KCNT1: variants seen among roughly 807,000 people sequenced by gnomAD.
KCNT1 encodes potassium channel subfamily T member 1.
Under a neutral mutation model 147.8 loss-of-function variants are expected in KCNT1, and 78 were observed. The ratio of observed to expected loss-of-function variants is 0.53; its 90% CI spans 0.44 to 0.64. The LOEUF (loss-of-function observed/expected upper bound fraction) is 0.64, where lower values mean the gene tolerates loss of function less well. KCNT1 is among the 30% of genes least tolerant of loss of function. The pLI is 0.00. For missense variants in KCNT1, 1,419 were observed against 1,750.3 expected, an observed-to-expected ratio of 0.81 and a Z score of 3.38; for synonymous variants, 867 against 748.8, an observed-to-expected ratio of 1.16 and a Z score of -2.58.
chr9:135,764,689 G>A (rs911398200), intron 11 of KCNT1, among the ~76,000 whole-genome samples: 3 of 152,130 alleles, frequency 2.0e-5, no homozygotes, highest in Non-Finnish European at 4.4e-5. Flanking sequence ...GAAGACCGGG[G>A]TCTGAGGCCT....
chr9:135,777,530 G>GGCCCC lies in KCNT1; in HGVS notation c.2522+20_2522+21insGCCCC. On this transcript the variant is annotated intron_variant, in intron 21 of 30. Transcript: ENST00000371757. ...CAACAAGTGAGGCTCCTGGGGCTCA[G>GGCCCC]CCCACCCCGCCCACCCGGGCCCTCA... 1.9e-6 allele frequency: 3 copies of GGCCCC among 1,588,450 alleles called. No homozygotes were observed. The highest frequency in any genetic ancestry group is 8.6e-7 in the Non-Finnish European group (1 of 1,166,998).
rs1188684182 is a variant in KCNT1 at position 135,792,867 on chromosome 9, C to G, written c.*706C>G. 1 of 152,230 alleles carries G rather than the reference C, an allele frequency of 6.6e-6. No individual in the cohort carries two copies. Among genetic ancestry groups the G allele is most frequent in the Non-Finnish European group, 1.5e-5 (1 of 68,048 alleles). The allele number at this position is 152,230 out of a possible 1,614,324, so 9.4% of individuals were successfully genotyped here. On this transcript the variant is annotated 3_prime_UTR_variant, in exon 31 of 31. Coordinates refer to ENST00000371757, the MANE Select transcript of KCNT1 (RefSeq NM_020822.3). Reference sequence around the variant, plus strand: ...CACTGAACTGTCCCAGCCACTGCATCTAGGGGGCATTGGGCGGAAGATGGT... The same window carrying G: ...CACTGAACTGTCCCAGCCACTGCATGTAGGGGGCATTGGGCGGAAGATGGT...
At chr9:135,791,653 C>G (rs1318474663) in intron 29 of KCNT1, 144 bp from the exon 30 acceptor site, 9 of 715,796 alleles carry the variant, frequency 1.3e-5, no homozygotes, top group Non-Finnish European at 2.2e-5. Context: ...TGGCTGGGCT[C>G]ACCAGGATGA....
At chr9:135,745,903 C>T (rs1830809208) in intron 2 of KCNT1, among the ~76,000 whole-genome samples, 1 of 152,230 alleles carries the variant, frequency 6.6e-6, no homozygotes, top group Non-Finnish European at 1.5e-5. Context: ...CCATGAACCT[C>T]TGCCGCAGCA....
chr9:135,792,046 T>C lies in KCNT1; in HGVS notation c.3593T>C (p.Leu1198Pro). ...TRLEPSDIVYLIRSDPLAHVA... is the reference protein window; with the variant it reads ...TRLEPSDIVYPIRSDPLAHVA... ...TCCTCTGTGCCCTCCCGCAGCTATC[T>C]CATCCGCTCCGACCCCCTGGCTCAC... The change falls in exon 31 of 31, where the codon CTC becomes CCC. Residue 1198 changes from leucine to proline, a missense_variant. Transcript: ENST00000371757. 1.2e-6 allele frequency: 2 copies of C among 1,604,008 alleles called. No homozygotes were observed. Among genetic ancestry groups the C allele is most frequent in the African/African-American group, 1.3e-5 (1 of 74,964 alleles).
intron 2 of KCNT1, among the ~76,000 whole-genome samples, chr9:135,744,387 G>GC (rs1209563952): frequency 6.6e-6 from 1 of 152,246 alleles, no homozygotes; most frequent in Non-Finnish European, 1.5e-5. Flanking sequence ...CTCAGGCAGA[G>GC]CAGTGGCGTG....
chr9:135,709,712 G>A (rs575944998), intron 1 of KCNT1, among the ~76,000 whole-genome samples: 4 of 152,044 alleles, frequency 2.6e-5, no homozygotes, highest in Admixed American at 2.0e-4. Context: ...ATGGAGTCTC[G>A]CTCTGTCACC....
chr9:135,716,099 CA>C (rs932075350), intron 2 of KCNT1, among the ~76,000 whole-genome samples: 3 of 152,216 alleles, frequency 2.0e-5, no homozygotes, highest in African/African-American at 4.8e-5. Flanking sequence ...CTGGGAGCCA[CA>C]CAAAGCTTCC....
rs767429133 is a variant in KCNT1, at chr9:135,751,036, C to T, written c.429C>T (p.Ile143=). The T allele has an allele frequency of 9.3e-6, 15 of 1,610,546 alleles. No homozygotes were observed. The highest frequency in any genetic ancestry group is 3.3e-5 in the South Asian group (3 of 91,062). ...TGCTCGATGACCCGGCCCTGGGCAT[C>T]GGATGGTGGGCCACGTGCGCGGCCG... ...RVLLDDPALG[I]GCWGCPKQNY... The change falls in exon 4 of 31, where the codon ATC becomes ATT. Residue 143 remains isoleucine (I), a synonymous_variant. Transcript: ENST00000371757.
intron 1 of KCNT1, among the ~76,000 whole-genome samples, chr9:135,705,730 A>C (rs2131311440): frequency 6.6e-6 from 1 of 152,354 alleles, no homozygotes; most frequent in African/African-American, 2.4e-5. Context: ...CGGGGCTGGA[A>C]CTGAGGCCAG....
chr9:135,786,264 G>C lies in KCNT1; in HGVS notation c.3245G>C (p.Arg1082Pro). Residue 1082 changes from arginine (R) to proline (P), a missense_variant, in exon 29 of 31, where the codon CGC becomes CCC. Physicochemically the swap from Arg to Pro is moderately radical, Grantham distance 103. Transcript: ENST00000371757. ...TREVKGPWGS[R>P]AGTGGSSQGR... ...GAAGTGAAGGGGCCCTGGGGCTCCC[G>C]CGCTGGCACCGGAGGCAGCTCCCAG... The C allele has an allele frequency of 1.9e-6, 3 of 1,610,758 alleles. No homozygotes were observed. Among genetic ancestry groups the C allele is most frequent in the Non-Finnish European group, 2.5e-6 (3 of 1,179,304 alleles).
intron 29 of KCNT1, chr9:135,788,304 C>T (rs1295639847): frequency 1.3e-6 from 1 of 749,548 alleles, no homozygotes; most frequent in African/African-American, 1.7e-5. Flanking sequence ...CCAGGCGGCC[C>T]TGTTGGGCAA....
intron 18 of KCNT1, among the ~76,000 whole-genome samples, chr9:135,772,376 C>T (rs1832816863): frequency 6.6e-6 from 1 of 152,168 alleles, no homozygotes; most frequent in African/African-American, 2.4e-5. Context: ...GCAGCCTGAC[C>T]AGCTGCACAG....
chr9:135,783,870 C>T (rs1833804777), intron 24 of KCNT1, among the ~76,000 whole-genome samples, 154 bp from the exon 25 acceptor site: 1 of 152,244 alleles, frequency 6.6e-6, no homozygotes, highest in South Asian at 2.1e-4. Flanking sequence ...CAGACACACA[C>T]TGTGTACACG....
intron 20 of KCNT1, 100 bp from the exon 21 acceptor site, chr9:135,777,238 G>T: frequency 1.6e-6 from 2 of 1,289,140 alleles, no homozygotes. Flanking sequence ...TAACGGCTGG[G>T]TGTTCACGGG....
chr9:135,770,602 G>A (rs547109549), intron 17 of KCNT1, among the ~76,000 whole-genome samples, 155 bp downstream of exon 17: 8 of 152,266 alleles, frequency 5.3e-5, no homozygotes, highest in Middle Eastern at 3.4e-3. Flanking sequence ...GAGGGCAGCC[G>A]CAGGACTGGG....
At chr9:135,762,382 C>A (rs759672504) in intron 11 of KCNT1, among the ~76,000 whole-genome samples, 79 of 151,694 alleles carry the variant, frequency 5.2e-4, no homozygotes, top group Non-Finnish European at 1.0e-3. Context: ...GAGGTTGAGG[C>A]TGTGGTGAGC....
chr9:135,751,086 C>A, intron 4 of KCNT1, 45 bp downstream of exon 4: 1 of 1,551,300 alleles, frequency 6.4e-7, no homozygotes, highest in Non-Finnish European at 8.8e-7. Flanking sequence ...GGTCCCAGGG[C>A]TGAGCCTTCC....
At chr9:135,733,752 TG>T (rs1238424592) in intron 2 of KCNT1, among the ~76,000 whole-genome samples, 1 of 149,074 alleles carries the variant, frequency 6.7e-6, no homozygotes, top group Admixed American at 6.6e-5. Context: ...GAGACCCAGA[TG>T]GGTCTCAGAC....
Sources: allele counts gnomAD v4.1 joint callset (sites outside exome capture counted in the v4.1 genomes callset), GRCh38; gene constraint gnomAD v4.1.1; transcripts MANE v1.5; gene names NCBI Gene and HGNC (gene_info 2026-07-23, HGNC 2026-07-21).